Variants in STPG2 observed in about 807,000 individuals in gnomAD.
STPG2 encodes sperm tail PG-rich repeat containing 2, also known as sperm-tail PG-rich repeat-containing protein 2.
A neutral mutation model predicts 54.2 loss-of-function variants in STPG2; 56 were observed. That is an observed-to-expected ratio of 1.03 (90% CI 0.83 to 1.29). The LOEUF (loss-of-function observed/expected upper bound fraction) is 1.29, where lower values mean the gene tolerates loss of function less well. STPG2 is among the 50% of genes most tolerant of loss of function. STPG2 has a pLI of 0.00. For synonymous variants in STPG2, 200 were observed against 181.8 expected, an observed-to-expected ratio of 1.10 and a Z score of -0.81; for missense variants, 596 against 544.9, an observed-to-expected ratio of 1.09 and a Z score of -0.93.
intron 8 of STPG2, among the ~76,000 whole-genome samples, chr4:97,888,405 G>A (rs1730657632): frequency 6.6e-6 from 1 of 152,236 alleles, no homozygotes; most frequent in Non-Finnish European, 1.5e-5. Flanking sequence ...CCTTGCACCA[G>A]TGTGCTCTGG....
intron 5 of STPG2, among the ~76,000 whole-genome samples, chr4:97,991,691 T>C (rs187482040): frequency 6.6e-6 from 1 of 152,208 alleles, no homozygotes; most frequent in African/African-American, 2.4e-5. Flanking sequence ...CTGTTTTCCA[T>C]AGTGGTTTTA....
intron 8 of STPG2, among the ~76,000 whole-genome samples, chr4:97,904,447 C>A (rs111975415): frequency 2.0e-5 from 3 of 152,300 alleles, no homozygotes; most frequent in African/African-American, 7.2e-5. Flanking sequence ...ACCAAAAACC[C>A]ATCTGTACAT....
chr4:97,792,139 T>C (rs1424703138), intron 9 of STPG2, among the ~76,000 whole-genome samples: 1 of 152,188 alleles, frequency 6.6e-6, no homozygotes, highest in Non-Finnish European at 1.5e-5. Context: ...AATAGAGTGA[T>C]AAAGCCAGCA....
chr4:98,124,333 TG>T (rs1366976196), intron 3 of STPG2, among the ~76,000 whole-genome samples: 1 of 152,182 alleles, frequency 6.6e-6, no homozygotes, highest in Non-Finnish European at 1.5e-5. Context: ...TCTTTCCATA[TG>T]TAGTGCTTCC....
chr4:97,529,194 T>C (rs1028749811), intron 4 of STPG2, among the ~76,000 whole-genome samples: 12 of 152,198 alleles, frequency 7.9e-5, no homozygotes, highest in Middle Eastern at 3.4e-3. Flanking sequence ...TAGCATGAAG[T>C]CTGTTGAATT....
intron 5 of STPG2, among the ~76,000 whole-genome samples, chr4:98,014,462 G>C (rs1203211290): frequency 2.0e-5 from 3 of 152,074 alleles, no homozygotes; most frequent in African/African-American, 7.2e-5. Context: ...TACCTCGGTT[G>C]CCAGTGCAAA....
chr4:97,515,307 T>G (rs538068171), intron 4 of STPG2, among the ~76,000 whole-genome samples: 4 of 152,098 alleles, frequency 2.6e-5, no homozygotes, highest in Non-Finnish European at 5.9e-5. Flanking sequence ...TATTCAGAAA[T>G]GTATACCCAT....
At chr4:98,031,399 C>T (rs1335611608) in intron 5 of STPG2, among the ~76,000 whole-genome samples, 5 of 152,082 alleles carry the variant, frequency 3.3e-5, no homozygotes, top group Non-Finnish European at 7.4e-5. Context: ...AGTAAATGGG[C>T]CAGGCATGGT....
chr4:97,935,140 C>T (rs1398846233), intron 8 of STPG2, among the ~76,000 whole-genome samples: 2 of 152,116 alleles, frequency 1.3e-5, no homozygotes, highest in Non-Finnish European at 2.9e-5. Context: ...AGTTTATTTG[C>T]ATAGAGGTGT....
intron 4 of STPG2, among the ~76,000 whole-genome samples, chr4:98,107,199 C>A (rs929750418): frequency 6.6e-6 from 1 of 151,936 alleles, no homozygotes; most frequent in Non-Finnish European, 1.5e-5. Context: ...CAAAAAGAGA[C>A]CTATACACTT....
intron 4 of STPG2, among the ~76,000 whole-genome samples, chr4:97,499,903 T>C (rs1268115930): frequency 6.6e-6 from 1 of 151,962 alleles, no homozygotes. Context: ...AAAAGAGTAA[T>C]TGGGCTGGGC....
chr4:97,959,183 AAC>A (rs1355570847), intron 7 of STPG2, among the ~76,000 whole-genome samples: 6 of 152,106 alleles, frequency 3.9e-5, no homozygotes, highest in African/African-American at 4.8e-5. Flanking sequence ...GAACAATAGT[AAC>A]ACAATCTAAC....
intron 4 of STPG2, among the ~76,000 whole-genome samples, chr4:97,474,573 A>G (rs901884829): frequency 4.6e-5 from 7 of 152,166 alleles, no homozygotes; most frequent in African/African-American, 1.7e-4. Context: ...CCCTTGGTAT[A>G]TATCAGGGAC....
At chr4:97,777,584 T>C (rs892056699) in intron 9 of STPG2, among the ~76,000 whole-genome samples, 8 of 152,190 alleles carry the variant, frequency 5.3e-5, no homozygotes, top group African/African-American at 1.9e-4. Flanking sequence ...GATTGCAAAA[T>C]CAATGAAAAA....
At chr4:97,591,161 C>A (rs924353506) in intron 10 of STPG2, among the ~76,000 whole-genome samples, 1 of 151,910 alleles carries the variant, frequency 6.6e-6, no homozygotes, top group African/African-American at 2.4e-5. Flanking sequence ...ATGTAACTAA[C>A]AAATAACTGT....
intron 5 of STPG2, among the ~76,000 whole-genome samples, chr4:98,083,624 GA>G (rs1158096960): frequency 2.0e-5 from 3 of 152,044 alleles, no homozygotes; most frequent in East Asian, 3.9e-4. Flanking sequence ...AGGAAGAGGG[GA>G]TACCACAGTG....
chr4:97,472,441 C>T (rs1463466610), intron 4 of STPG2, among the ~76,000 whole-genome samples: 3 of 152,120 alleles, frequency 2.0e-5, no homozygotes, highest in African/African-American at 4.8e-5. Flanking sequence ...GGAAAAGGAG[C>T]CATTTTGCAA....
chr4:97,864,701 G>T (rs1022797240), intron 8 of STPG2, among the ~76,000 whole-genome samples: 5 of 152,066 alleles, frequency 3.3e-5, no homozygotes, highest in Non-Finnish European at 7.4e-5. Context: ...ATACTACAAG[G>T]CTGCAGTAAC....
At chr4:97,656,156 A>G (rs1722213291) in intron 10 of STPG2, among the ~76,000 whole-genome samples, 3 of 152,118 alleles carry the variant, frequency 2.0e-5, no homozygotes, top group African/African-American at 7.2e-5. Flanking sequence ...GTCTGCAAAT[A>G]CATGTGTTAA....
Sources: gnomAD v4.1 joint callset for allele counts (sites outside exome capture counted in the v4.1 genomes callset) on GRCh38, gnomAD v4.1.1 for gene constraint, MANE v1.5 for transcripts, NCBI Gene and HGNC (gene_info 2026-07-23, HGNC 2026-07-21) for gene names.